CPQ: variants seen among roughly 807,000 people sequenced by gnomAD.
The protein encoded by CPQ is Ser-Met dipeptidase.
In CPQ, 37 loss-of-function variants were observed where a neutral mutation model predicts 45.7. The observed-to-expected ratio is 0.81, with a 90% CI of 0.62 to 1.07. The LOEUF is 1.07. Ranked by LOEUF, CPQ falls within the 50% of genes least tolerant of loss-of-function variation. The pLI, the probability that CPQ is intolerant of heterozygous loss-of-function variation, is 0.00. For synonymous variants in CPQ, 186 were observed against 205.8 expected, an observed-to-expected ratio of 0.90 and a Z score of 0.82; for missense variants, 537 against 572.9, an observed-to-expected ratio of 0.94 and a Z score of 0.64.
intron 4 of CPQ, among the ~76,000 whole-genome samples, chr8:96,885,623 G>A (rs1812294107): frequency 6.6e-6 from 1 of 152,188 alleles, no homozygotes; most frequent in East Asian, 1.9e-4. Flanking sequence ...ATATGTGATT[G>A]ATAAAGTATT....
At chr8:96,676,002 TTAA>T (rs1256281909) in intron 1 of CPQ, among the ~76,000 whole-genome samples, 1 of 152,060 alleles carries the variant, frequency 6.6e-6, no homozygotes, top group African/African-American at 2.4e-5. Context: ...TTTTTATAGA[TTAA>T]TAATAATTGT....
In CPQ at chr8:96,835,014, C is replaced by A. The variant is rs1337114342; in HGVS notation, c.475C>A (p.Leu159Met). The change falls in exon 3 of 8, where the codon CTG becomes ATG. Residue 159 changes from leucine (L) to methionine (M), a missense_variant. Transcript: ENST00000220763. ...TCTGGTGGTGACCTCTTTCGATGAA[C>A]TGCAGAGAAGGGCCTCAGAAGCAAG... Reference protein sequence around the residue: ...EVLVVTSFDELQRRASEARGK... With the variant: ...EVLVVTSFDEMQRRASEARGK... 6.2e-7 allele frequency: 1 copy of A among 1,613,592 alleles called. No homozygotes were observed. The highest frequency in any genetic ancestry group is 1.3e-5 in the African/African-American group (1 of 74,890).
intron 4 of CPQ, among the ~76,000 whole-genome samples, chr8:96,938,493 C>T (rs907185491): frequency 6.6e-6 from 1 of 152,110 alleles, no homozygotes; most frequent in Non-Finnish European, 1.5e-5. Context: ...AGGGAAAGCA[C>T]AGGGGATCAT....
chr8:97,097,824 A>AG (rs1563579393), intron 7 of CPQ, among the ~76,000 whole-genome samples: 2 of 148,320 alleles, frequency 1.3e-5, no homozygotes, highest in African/African-American at 5.1e-5. Flanking sequence ...GAGAGAGAGA[A>AG]AGAAAGAACA....
intron 5 of CPQ, among the ~76,000 whole-genome samples, chr8:97,013,190 G>A (rs977670314): frequency 1.3e-5 from 2 of 152,088 alleles, no homozygotes; most frequent in Non-Finnish European, 2.9e-5. Context: ...TGAGGCAGGA[G>A]AATCGCTTGA....
In CPQ at chr8:97,143,278, T is replaced by G. The variant is rs563364313; in HGVS notation, c.*95T>G. Reference sequence around the variant, plus strand: ...TCTTCACATAACAATTTCATCCAATTCATCTTCAAAGCACAACTCTATTTC... The same window carrying G: ...TCTTCACATAACAATTTCATCCAATGCATCTTCAAAGCACAACTCTATTTC... On this transcript the variant is annotated 3_prime_UTR_variant, in exon 8 of 8. Transcript: ENST00000220763. 8.6e-7 allele frequency: 1 copy of G among 1,163,184 alleles called. No individual in the cohort carries two copies. The highest frequency in any genetic ancestry group is 2.4e-5 in the East Asian group (1 of 42,378). 72.1% of individuals were successfully genotyped at this position (1,163,184 alleles called of 1,614,324 possible).
intron 7 of CPQ, among the ~76,000 whole-genome samples, chr8:97,098,554 G>C (rs1811248225): frequency 6.6e-6 from 1 of 152,058 alleles, no homozygotes; most frequent in Admixed American, 6.6e-5. Flanking sequence ...GATAAGTCTA[G>C]AAAACATAAC....
intron 1 of CPQ, among the ~76,000 whole-genome samples, chr8:96,729,447 A>G (rs1349638604): frequency 6.6e-6 from 1 of 152,144 alleles, no homozygotes. Context: ...TCCTATCTTC[A>G]TTATAAGAAG....
chr8:96,738,411 T>G (rs1273414943), intron 1 of CPQ, among the ~76,000 whole-genome samples: 1 of 151,996 alleles, frequency 6.6e-6, no homozygotes, highest in Non-Finnish European at 1.5e-5. Context: ...TAAATTGTTT[T>G]TTTTTCCAGG....
intron 3 of CPQ, among the ~76,000 whole-genome samples, chr8:96,871,217 C>T (rs1586432851): frequency 6.6e-6 from 1 of 151,978 alleles, no homozygotes; most frequent in African/African-American, 2.4e-5. Context: ...TGTCTATTGC[C>T]TCAAAGGCAG....
intron 5 of CPQ, among the ~76,000 whole-genome samples, chr8:97,003,970 A>G (rs1414841541): frequency 2.6e-5 from 4 of 152,208 alleles, no homozygotes; most frequent in African/African-American, 4.8e-5. Context: ...TATTGAACAT[A>G]TAACCTTACA....
chr8:97,048,697 T>G (rs1469648324), intron 6 of CPQ, among the ~76,000 whole-genome samples: 1 of 152,190 alleles, frequency 6.6e-6, no homozygotes, highest in South Asian at 2.1e-4. Flanking sequence ...CTGCCCCTTT[T>G]AGAGAGCTTA....
chr8:96,780,121 A>G (rs564218830), intron 1 of CPQ, among the ~76,000 whole-genome samples: 1 of 152,300 alleles, frequency 6.6e-6, no homozygotes, highest in Non-Finnish European at 1.5e-5. Flanking sequence ...TTTGAGTATA[A>G]CAATTGAAGG....
intron 1 of CPQ, among the ~76,000 whole-genome samples, chr8:96,714,878 G>C (rs1004577363): frequency 6.6e-6 from 1 of 151,904 alleles, no homozygotes; most frequent in African/African-American, 2.4e-5. Flanking sequence ...TGAAGCTCTT[G>C]GTGCTTTCAG....
At chr8:96,947,230 C>A (rs143925335) in intron 4 of CPQ, among the ~76,000 whole-genome samples, 1 of 152,250 alleles carries the variant, frequency 6.6e-6, no homozygotes, top group African/African-American at 2.4e-5. Context: ...TGTATATATG[C>A]CATGTGCCAC....
intron 4 of CPQ, among the ~76,000 whole-genome samples, chr8:96,942,700 C>T (rs1289354752): frequency 6.6e-6 from 1 of 152,098 alleles, no homozygotes; most frequent in Non-Finnish European, 1.5e-5. Context: ...CCTTTAAACA[C>T]AAACAACAAA....
chr8:96,866,555 G>A (rs1328942471), intron 3 of CPQ, among the ~76,000 whole-genome samples: 1 of 151,964 alleles, frequency 6.6e-6, no homozygotes, highest in Non-Finnish European at 1.5e-5. Flanking sequence ...CATATTTATA[G>A]GTGTTAATTT....
intron 4 of CPQ, among the ~76,000 whole-genome samples, chr8:96,905,194 C>G (rs1586445768): frequency 6.6e-6 from 1 of 151,994 alleles, no homozygotes; most frequent in Non-Finnish European, 1.5e-5. Flanking sequence ...GGGGAAGTGC[C>G]ACACTTTAAA....
At position 96,690,685 on chromosome 8, in the gene CPQ, A is replaced by G. The variant is rs149628760; in HGVS notation, c.-35+45283A>G. Among the ~76,000 whole-genome samples, 25 of 152,308 alleles carry G rather than the reference A, an allele frequency of 1.6e-4. No individual in the cohort carries two copies. The East Asian group carries it at 4.8e-3, about 29-fold the overall frequency. The stretch of plus-strand genomic sequence containing the variant: ...CCGTTTGAGCTGTGATACAAAGTTT[A>G]CATGCCCAGTGCAGGGGAAATGATG... On this transcript the variant is annotated intron_variant, in intron 1 of 7. Transcript: ENST00000220763.
Sources: gnomAD v4.1 joint callset for allele counts (sites outside exome capture counted in the v4.1 genomes callset) on GRCh38, gnomAD v4.1.1 for gene constraint, MANE v1.5 for transcripts, NCBI Gene and HGNC (gene_info 2026-07-23, HGNC 2026-07-21) for gene names.